Variants in ARMC9 observed in about 807,000 individuals in gnomAD.
ARMC9 encodes the protein lisH domain-containing protein ARMC9.
Under a neutral mutation model 107.0 loss-of-function variants are expected in ARMC9, and 94 were observed. The observed-to-expected ratio is 0.88, with a 90% confidence interval of 0.74 to 1.04. The LOEUF (loss-of-function observed/expected upper bound fraction) is 1.04. ARMC9 is among the 50% of genes least tolerant of loss of function. The probability of loss-of-function intolerance (pLI) is 0.00; values close to 1 mark genes in which losing one functional copy is unlikely to be tolerated. For synonymous variants in ARMC9, 380 were observed against 396.9 expected (o/e 0.96, Z 0.51); for missense variants, 942 against 1,030.1 (o/e 0.91, Z 1.17).
In ARMC9 at chr2:231,360,434, C is replaced by G. The variant is rs2045521746; in HGVS notation, c.2132-320C>G. ...CCACATTCTGTCTGGGGGCGCCTAG[C>G]CATGGCCCAGGGAGACAATTTGTTG... On this transcript the variant is annotated intron_variant, in intron 22 of 24. Coordinates refer to ENST00000611582, the MANE Select transcript of ARMC9 (RefSeq NM_001352754.2). The surrounding 1 kb of genome is among the most constrained non-coding windows in gnomAD (Gnocchi z 4.7). Among the ~76,000 whole-genome samples, 1 of 152,220 alleles carries G rather than the reference C, an allele frequency of 6.6e-6. No homozygotes were observed. Among genetic ancestry groups the G allele is most frequent in the Admixed American group, 6.5e-5 (1 of 15,288 alleles).
At chr2:231,356,737 A>C (rs771422256) in intron 22 of ARMC9, among the ~76,000 whole-genome samples, 4 of 152,170 alleles carry the variant, frequency 2.6e-5, no homozygotes, top group Non-Finnish European at 5.9e-5. Context: ...GCCAGCGTTG[A>C]TCATCAGTTA....
chr2:231,272,757 C>T (rs920426267), intron 13 of ARMC9, among the ~76,000 whole-genome samples, 198 bp from the exon 14 acceptor site: 4 of 152,174 alleles, frequency 2.6e-5, no homozygotes, highest in Admixed American at 1.3e-4. Context: ...CTCAGGTGAT[C>T]TGCCTGCCTT....
chr2:231,255,059 T>C lies in ARMC9; in HGVS notation c.880-1527T>C, dbSNP rs2037642694. Among the ~76,000 whole-genome samples the C allele has an allele frequency of 6.6e-6, 1 of 152,196 alleles. No homozygotes were observed. Among genetic ancestry groups the C allele is most frequent in the South Asian group, 2.1e-4 (1 of 4,828 alleles). ...CAAGATTTTCCTTATTTTCTCAAAATATCTTTTTACAGTTGGTTTATTTGA... is the reference window on the plus strand; with the variant it reads ...CAAGATTTTCCTTATTTTCTCAAAACATCTTTTTACAGTTGGTTTATTTGA... On this transcript the variant is annotated intron_variant, in intron 9 of 24. Transcript: ENST00000611582. The surrounding 1 kb of genome is among the most constrained non-coding windows in gnomAD (Gnocchi z 4.7).
chr2:231,223,687 G>A (rs917739572), intron 6 of ARMC9, among the ~76,000 whole-genome samples: 6 of 152,092 alleles, frequency 3.9e-5, no homozygotes, highest in African/African-American at 1.4e-4. Context: ...GGTTTTATTT[G>A]TCACTAGGAC....
intron 22 of ARMC9, 108 bp downstream of exon 22, chr2:231,356,042 C>G: frequency 7.3e-7 from 1 of 1,377,100 alleles, no homozygotes; most frequent in Non-Finnish European, 9.6e-7. Context: ...GGGAAGCCCT[C>G]TGGTCTCAGC....
intron 12 of ARMC9, among the ~76,000 whole-genome samples, chr2:231,263,505 G>A (rs113988280): frequency 1.2e-4 from 19 of 152,236 alleles, no homozygotes; most frequent in Admixed American, 3.3e-4. Flanking sequence ...AACCCACTCC[G>A]GCAATAATGG....
intron 3 of ARMC9, among the ~76,000 whole-genome samples, chr2:231,212,605 G>A (rs1420970060): frequency 6.6e-6 from 1 of 152,220 alleles, no homozygotes; most frequent in Non-Finnish European, 1.5e-5. Context: ...TGGGCACTGG[G>A]TTTGCTTGGG....
At position 231,274,995 on chromosome 2, in the gene ARMC9, T is replaced by C. The variant is rs1418600562; in HGVS notation, c.1335-1641T>C. On this transcript the variant is annotated intron_variant, in intron 14 of 24. Coordinates refer to ENST00000611582, the MANE Select transcript of ARMC9 (RefSeq NM_001352754.2). Reference sequence around the variant, plus strand: ...TTTGGGGAAGTTTTTAGAAATTCAATAACTATAGTTAAGTAACAGATACAA... The same window carrying C: ...TTTGGGGAAGTTTTTAGAAATTCAACAACTATAGTTAAGTAACAGATACAA... Among the ~76,000 whole-genome samples, 3 of 143,306 alleles carry C rather than the reference T, an allele frequency of 2.1e-5. No individual in the cohort carries two copies. In the South Asian group the frequency reaches 6.5e-4, roughly 31 times the overall value. 94.0% of individuals were successfully genotyped at this position (143,306 alleles called of 152,430 possible). A position where few individuals can be genotyped will look rare whatever the true frequency, so the allele number is the denominator to read the frequency against.
chr2:231,206,355 C>A, intron 2 of ARMC9, 66 bp downstream of exon 2: 1 of 1,355,176 alleles, frequency 7.4e-7, no homozygotes, highest in Non-Finnish European at 1.0e-6. Context: ...TTTTAAAATG[C>A]AACAAACTAT....
intron 19 of ARMC9, among the ~76,000 whole-genome samples, chr2:231,309,620 C>T (rs956783022): frequency 6.6e-6 from 1 of 152,080 alleles, no homozygotes; most frequent in Non-Finnish European, 1.5e-5. Flanking sequence ...TGTGTATGGC[C>T]TGCTGTTCCT....
intron 23 of ARMC9, among the ~76,000 whole-genome samples, chr2:231,368,103 T>C (rs753630613): frequency 3.9e-5 from 6 of 152,186 alleles, no homozygotes; most frequent in Non-Finnish European, 5.9e-5. Context: ...ATTTGATGGT[T>C]ACACACGTTA....
chr2:231,339,468 C>CT (rs2125574079), intron 20 of ARMC9, among the ~76,000 whole-genome samples: 1 of 152,258 alleles, frequency 6.6e-6, no homozygotes, highest in Admixed American at 6.5e-5. Context: ...TGATGTCACT[C>CT]TGTCACCCAG....
intron 5 of ARMC9, among the ~76,000 whole-genome samples, chr2:231,217,000 G>A (rs558459893): frequency 3.0e-4 from 46 of 152,222 alleles, no homozygotes; most frequent in African/African-American, 1.1e-3. Context: ...TACTAGCAGT[G>A]GTTTGCAACT....
chr2:231,262,418 A>G lies in ARMC9; in HGVS notation c.1119+20A>G. ...AACCAGGTTGGTAAGAGGTGGGGCC[A>G]GATCCCAGCCAGGGCCTTCAATTCT... On this transcript the variant is annotated intron_variant, in intron 12 of 24. Transcript: ENST00000611582. 1.3e-6 allele frequency: 2 copies of G among 1,599,278 alleles called. No homozygotes were observed. The highest frequency in any genetic ancestry group is 2.2e-5 in the South Asian group (2 of 90,760).
chr2:231,356,666 G>A (rs1280712993), intron 22 of ARMC9, among the ~76,000 whole-genome samples: 1 of 152,200 alleles, frequency 6.6e-6, no homozygotes, highest in Non-Finnish European at 1.5e-5. Flanking sequence ...TGACGAGTCA[G>A]CACTGGCTGG....
chr2:231,356,343 A>G (rs951115747), intron 22 of ARMC9, among the ~76,000 whole-genome samples: 3 of 152,222 alleles, frequency 2.0e-5, no homozygotes, highest in African/African-American at 7.2e-5. Flanking sequence ...TAAGAGCACA[A>G]ACAACTCTGG....
At chr2:231,259,627 G>C (rs976831320) in intron 11 of ARMC9, among the ~76,000 whole-genome samples, 4 of 152,160 alleles carry the variant, frequency 2.6e-5, no homozygotes, top group African/African-American at 9.7e-5. Context: ...TCTCAACAAT[G>C]ACTGAGGACC....
In ARMC9 at chr2:231,255,395, TAAAG is replaced by T. The variant is rs1216945575; in HGVS notation, c.880-1187_880-1184del. Among the ~76,000 whole-genome samples, 16 of 152,264 alleles carry T rather than the reference TAAAG, an allele frequency of 1.1e-4. No homozygotes were observed. Among genetic ancestry groups the T allele is most frequent in the Non-Finnish European group, 2.1e-4 (14 of 68,008 alleles). On this transcript the variant is annotated intron_variant, in intron 9 of 24. Transcript: ENST00000611582. The surrounding 1 kb of genome is among the most constrained non-coding windows in gnomAD (Gnocchi z 4.7). ...TTTATACTTGAAGAGAAAATCTTAA[TAAAG>T]AAAAAAACCAGAATAATATAATGAT...
chr2:231,246,940 A>T (rs1181747935), intron 9 of ARMC9, among the ~76,000 whole-genome samples: 1 of 148,666 alleles, frequency 6.7e-6, no homozygotes, highest in African/African-American at 2.5e-5. Context: ...CTACAGATAC[A>T]TGTCACCACA....
Sources: gnomAD v4.1 joint callset for allele counts (sites outside exome capture counted in the v4.1 genomes callset) on GRCh38, gnomAD v4.1.1 for gene constraint, Gnocchi (gnomAD v3.1) non-coding constraint, MANE v1.5 for transcripts, NCBI Gene and HGNC (gene_info 2026-07-23, HGNC 2026-07-21) for gene names.